RORB: variants seen among roughly 807,000 people sequenced by gnomAD.
RORB encodes RAR related orphan receptor B, also known as nuclear receptor ROR-beta.
Under a neutral mutation model 59.1 loss-of-function variants are expected in RORB, and 6 were observed. The ratio of observed to expected loss-of-function variants is 0.10; its 90% CI spans 0.06 to 0.20. The LOEUF is 0.20. Among genes scored for constraint, RORB ranks in the 10% least tolerant of loss-of-function variants. The pLI, the probability that RORB is intolerant of heterozygous loss-of-function variation, is 1.00. For synonymous variants in RORB, 215 were observed against 204.5 expected (o/e 1.05, Z -0.44); for missense variants, 320 against 560.5 (o/e 0.57, Z 4.33).
intron 9 of RORB, among the ~76,000 whole-genome samples, chr9:74,678,061 G>A (rs1053108595): frequency 4.6e-5 from 7 of 152,154 alleles, no homozygotes; most frequent in Admixed American, 4.6e-4. Context: ...AAGTTGAAAA[G>A]GATTGAGCAT....
intron 1 of RORB, among the ~76,000 whole-genome samples, chr9:74,556,204 A>G (rs1280791725): frequency 6.6e-6 from 1 of 152,186 alleles, no homozygotes; most frequent in African/African-American, 2.4e-5. Context: ...CCTTGGAACT[A>G]TTTGTGGGAA....
At chr9:74,511,388 T>G (rs79376838) in intron 1 of RORB, among the ~76,000 whole-genome samples, 5,108 of 152,178 alleles carry the variant, frequency 0.034, 285 homozygotes, top group African/African-American at 0.12. Flanking sequence ...CATAAAACTG[T>G]TAGAAATCAC....
chr9:74,503,624 G>A (rs752411898), intron 1 of RORB, among the ~76,000 whole-genome samples: 5 of 151,946 alleles, frequency 3.3e-5, no homozygotes, highest in Non-Finnish European at 7.4e-5. Flanking sequence ...TAATTAGAGG[G>A]AAAGGGAATC....
intron 1 of RORB, among the ~76,000 whole-genome samples, chr9:74,594,135 T>C (rs1009230169): frequency 6.6e-6 from 1 of 152,218 alleles, no homozygotes; most frequent in Non-Finnish European, 1.5e-5. Context: ...AGTATGTTTT[T>C]ATAAGAATAA....
chr9:74,518,362 A>T (rs568465520), intron 1 of RORB, among the ~76,000 whole-genome samples: 2 of 152,122 alleles, frequency 1.3e-5, no homozygotes, highest in Non-Finnish European at 1.5e-5. Flanking sequence ...ACCAATGACC[A>T]CACACTGCAA....
rs2118367973 is a variant in RORB, at chr9:74,615,191, A to T, written c.8-15091A>T. Reference sequence around the variant, plus strand: ...TGAAGAAAATTTATGTTGTACTTTTATAGTCACAGGGATAACTTTTGTTAC... The same window carrying T: ...TGAAGAAAATTTATGTTGTACTTTTTTAGTCACAGGGATAACTTTTGTTAC... On this transcript the variant is annotated intron_variant, in intron 1 of 9. Coordinates refer to ENST00000376896, the MANE Select transcript of RORB (RefSeq NM_006914.4). 2.0e-5 allele frequency among the ~76,000 whole-genome samples: 3 copies of T among 152,362 alleles called. No homozygotes were observed. The Middle Eastern group carries it at 0.01, about 518-fold the overall frequency.
intron 1 of RORB, among the ~76,000 whole-genome samples, chr9:74,578,682 G>A (rs947050878): frequency 8.6e-5 from 1 of 11,674 alleles, no homozygotes; most frequent in Non-Finnish European, 6.9e-3. Context: ...TGGAGTAGAA[G>A]ATCCTTTTTA....
intron 1 of RORB, 88 bp downstream of exon 1, chr9:74,498,071 A>G: frequency 6.8e-7 from 1 of 1,473,192 alleles, no homozygotes; most frequent in Non-Finnish European, 9.3e-7. Flanking sequence ...CACCCAGCAG[A>G]AAGGGAAAGA....
intron 4 of RORB, among the ~76,000 whole-genome samples, chr9:74,643,204 A>G (rs1823840160): frequency 6.6e-6 from 1 of 152,166 alleles, no homozygotes; most frequent in Non-Finnish European, 1.5e-5. Flanking sequence ...GAATAACCAA[A>G]CGAACAGGGG....
At chr9:74,683,254 A>G (rs770805295) in intron 9 of RORB, among the ~76,000 whole-genome samples, 1 of 152,212 alleles carries the variant, frequency 6.6e-6, no homozygotes, top group Admixed American at 6.5e-5. Context: ...TACAATGTGC[A>G]AGAACTGTTC....
chr9:74,685,269 CG>C (rs1416763567), intron 9 of RORB, among the ~76,000 whole-genome samples, 193 bp from the exon 10 acceptor site: 20 of 7,602 alleles, frequency 2.6e-3, no homozygotes, highest in Non-Finnish European at 4.2e-3. Context: ...AGATGGTGTC[CG>C]GGGGGGCGGG....
intron 1 of RORB, among the ~76,000 whole-genome samples, chr9:74,597,830 C>T (rs1468390401): frequency 1.3e-5 from 2 of 151,850 alleles, no homozygotes; most frequent in Non-Finnish European, 2.9e-5. Context: ...TGGGGGCAGG[C>T]GCCTGTAATC....
intron 9 of RORB, among the ~76,000 whole-genome samples, chr9:74,684,184 C>A (rs1314708637): frequency 6.6e-6 from 1 of 152,142 alleles, no homozygotes; most frequent in Non-Finnish European, 1.5e-5. Flanking sequence ...GTTATATAGT[C>A]ATTACTTGTT....
intron 1 of RORB, among the ~76,000 whole-genome samples, chr9:74,613,998 T>A (rs1823272575): frequency 6.6e-6 from 1 of 152,242 alleles, no homozygotes; most frequent in Non-Finnish European, 1.5e-5. Context: ...CTGGGCTGAT[T>A]GCATGTTTTT....
intron 9 of RORB, among the ~76,000 whole-genome samples, chr9:74,676,775 T>C (rs963447372): frequency 3.3e-5 from 5 of 152,350 alleles, no homozygotes; most frequent in Non-Finnish European, 7.3e-5. Flanking sequence ...CTCTCTCTTT[T>C]CCCGTTATTC....
chr9:74,588,202 G>A lies in RORB; in HGVS notation c.8-42080G>A, dbSNP rs778253253. 4.6e-5 allele frequency among the ~76,000 whole-genome samples: 7 copies of A among 152,080 alleles called. No individual in the cohort carries two copies. In the South Asian group the frequency reaches 8.3e-4, roughly 18 times the overall value. On this transcript the variant is annotated intron_variant, in intron 1 of 9. Coordinates refer to ENST00000376896, the MANE Select transcript of RORB (RefSeq NM_006914.4). ...CCACCAGCATGATAGTGGGGCAAGC[G>A]TAATAATTAAGGCAAGTCTCTCACT...
chr9:74,548,608 CTTTG>C (rs1198887618), intron 1 of RORB, among the ~76,000 whole-genome samples: 1 of 152,172 alleles, frequency 6.6e-6, no homozygotes, highest in Non-Finnish European at 1.5e-5. Context: ...CACTGCACAA[CTTTG>C]TTTATGTTGT....
At chr9:74,584,234 T>A (rs964755910) in intron 1 of RORB, among the ~76,000 whole-genome samples, 3 of 152,226 alleles carry the variant, frequency 2.0e-5, no homozygotes, top group Non-Finnish European at 2.9e-5. Context: ...GTAGCTTTTT[T>A]AAATACCGCT....
At chr9:74,498,034 C>G in intron 1 of RORB, 51 bp downstream of exon 1, 1 of 1,597,782 alleles carries the variant, frequency 6.3e-7, no homozygotes, top group South Asian at 1.1e-5. Flanking sequence ...CAACTCCAGC[C>G]AGACGGGGAG....
Sources: gnomAD v4.1 joint callset for allele counts (sites outside exome capture counted in the v4.1 genomes callset) on GRCh38, gnomAD v4.1.1 for gene constraint, MANE v1.5 for transcripts, NCBI Gene and HGNC (gene_info 2026-07-23, HGNC 2026-07-21) for gene names.